The following LRRTM4 variants were observed in gnomAD, a reference collection of about 807,000 sequenced individuals.
LRRTM4 encodes the protein leucine rich repeat transmembrane neuronal 4.
In LRRTM4, 25 loss-of-function variants were observed where a neutral mutation model predicts 47.6. The ratio of observed to expected loss-of-function variants is 0.53; its 90% CI spans 0.38 to 0.73. The LOEUF is 0.73. LRRTM4 is among the 30% of genes least tolerant of loss of function. The pLI is 0.00. For synonymous variants in LRRTM4, 311 were observed against 269.5 expected (o/e 1.15, Z -1.51); for missense variants, 638 against 713.4 (o/e 0.89, Z 1.20).
chr2:76,981,840 A>G (rs1676619210), intron 3 of LRRTM4, among the ~76,000 whole-genome samples: 1 of 151,986 alleles, frequency 6.6e-6, no homozygotes, highest in Non-Finnish European at 1.5e-5. Flanking sequence ...GCTTCTATGT[A>G]GAGCAATGGA....
At chr2:77,343,731 T>C (rs1671459890) in intron 3 of LRRTM4, among the ~76,000 whole-genome samples, 1 of 151,972 alleles carries the variant, frequency 6.6e-6, no homozygotes, top group Non-Finnish European at 1.5e-5. Context: ...GATATGTTTA[T>C]ATTAACAGTG....
chr2:76,993,869 C>T (rs555456700), intron 3 of LRRTM4, among the ~76,000 whole-genome samples: 2 of 151,952 alleles, frequency 1.3e-5, no homozygotes, highest in African/African-American at 4.8e-5. Context: ...GTCCACCATT[C>T]ATGGATTTGA....
At chr2:77,162,691 G>C (rs2103812762) in intron 3 of LRRTM4, among the ~76,000 whole-genome samples, 1 of 152,248 alleles carries the variant, frequency 6.6e-6, no homozygotes. Context: ...GCCTCCACTG[G>C]TGATACCCAG....
In LRRTM4 at chr2:77,333,557, C is replaced by G. The variant is rs372336675; in HGVS notation, c.1551+184761G>C. Among the ~76,000 whole-genome samples, 9 of 152,264 alleles carry G rather than the reference C, an allele frequency of 5.9e-5. 1 individual carries two copies. The South Asian group carries it at 1.9e-3, about 32-fold the overall frequency. ...TGCAAGCCCCAAGCCTTGGCAGCTT[C>G]CATGTGGTTTGAGACTGTGGGTGCA... is the stretch of plus-strand genomic sequence containing the variant. On this transcript the variant is annotated intron_variant, in intron 3 of 3. Coordinates refer to ENST00000409884, the MANE Select transcript of LRRTM4 (RefSeq NM_001134745.3).
At chr2:77,323,872 T>C (rs1439925430) in intron 3 of LRRTM4, among the ~76,000 whole-genome samples, 2 of 152,012 alleles carry the variant, frequency 1.3e-5, no homozygotes, top group Non-Finnish European at 2.9e-5. Context: ...TAACCATAAA[T>C]TGGGGACAAT....
intron 3 of LRRTM4, among the ~76,000 whole-genome samples, chr2:77,479,815 G>A (rs1260407691): frequency 6.7e-6 from 1 of 149,152 alleles, no homozygotes; most frequent in Non-Finnish European, 1.5e-5. Context: ...TTCTCATCTA[G>A]GGCTCATCAG....
In LRRTM4 at chr2:77,171,780, T is replaced by C. The variant is rs568123675; in HGVS notation, c.1551+346538A>G. On this transcript the variant is annotated intron_variant, in intron 3 of 3. Coordinates refer to ENST00000409884, the MANE Select transcript of LRRTM4 (RefSeq NM_001134745.3). The stretch of plus-strand genomic sequence containing the variant: ...GTATTTTTTAAATGGCTTATAAATA[T>C]TTTTATAAAAGAAAAAGTCATGAAA... Among the ~76,000 whole-genome samples the C allele has an allele frequency of 1.6e-3, 236 of 152,232 alleles. 1 individual carries two copies. The highest frequency in any genetic ancestry group is 1.1e-3 in the Non-Finnish European group (72 of 68,014).
At chr2:76,874,147 T>C (rs1672715500) in intron 3 of LRRTM4, among the ~76,000 whole-genome samples, 1 of 151,906 alleles carries the variant, frequency 6.6e-6, no homozygotes, top group East Asian at 1.9e-4. Flanking sequence ...GTTAGAATTT[T>C]CTTCTGGCTG....
chr2:77,437,576 A>T (rs938501667), intron 3 of LRRTM4, among the ~76,000 whole-genome samples: 1 of 152,096 alleles, frequency 6.6e-6, no homozygotes, highest in Non-Finnish European at 1.5e-5. Context: ...AGAACATTTA[A>T]CTCACTAGAT....
At chr2:76,862,218 T>C (rs2104013096) in intron 3 of LRRTM4, among the ~76,000 whole-genome samples, 1 of 152,296 alleles carries the variant, frequency 6.6e-6, no homozygotes, top group Non-Finnish European at 1.5e-5. Context: ...TCATTTGATT[T>C]CTGTGCTTTC....
At chr2:76,862,841 A>G (rs1447216856) in intron 3 of LRRTM4, among the ~76,000 whole-genome samples, 2 of 152,226 alleles carry the variant, frequency 1.3e-5, no homozygotes, top group Non-Finnish European at 2.9e-5. Flanking sequence ...TGTAACTTTA[A>G]TAAATGAAGA....
chr2:77,321,553 G>GGC (rs140524397), intron 3 of LRRTM4, among the ~76,000 whole-genome samples: 2,624 of 71,262 alleles, frequency 0.037, 84 homozygotes, highest in African/African-American at 0.14. Context: ...AAATCGGGGA[G>GGC]GGGGGGGGGT....
At chr2:76,779,890 C>T (rs575442005) in intron 3 of LRRTM4, among the ~76,000 whole-genome samples, 3,402 of 151,676 alleles carry the variant, frequency 0.022, 121 homozygotes, top group African/African-American at 0.071. Context: ...GATTTTGCAG[C>T]GGCTGGTACC....
chr2:77,348,530 T>C (rs1264970539), intron 3 of LRRTM4, among the ~76,000 whole-genome samples: 1 of 150,176 alleles, frequency 6.7e-6, no homozygotes, highest in Non-Finnish European at 1.5e-5. Flanking sequence ...AAAAAATAAT[T>C]GTCAAGTGAA....
At chr2:77,064,363 T>C (rs562729895) in intron 3 of LRRTM4, among the ~76,000 whole-genome samples, 4 of 152,236 alleles carry the variant, frequency 2.6e-5, no homozygotes, top group African/African-American at 9.6e-5. Context: ...ATATATATAG[T>C]AGAGATAAAA....
chr2:77,350,914 G>A (rs541430331), intron 3 of LRRTM4, among the ~76,000 whole-genome samples: 213 of 152,138 alleles, frequency 1.4e-3, no homozygotes, highest in Middle Eastern at 3.4e-3. Flanking sequence ...TTAAACAAAC[G>A]AAACTTTTTT....
chr2:77,272,553 G>C (rs1676228518), intron 3 of LRRTM4, among the ~76,000 whole-genome samples: 1 of 152,090 alleles, frequency 6.6e-6, no homozygotes, highest in Non-Finnish European at 1.5e-5. Flanking sequence ...TAAATATTAA[G>C]TTTTATTTTC....
At chr2:77,312,381 T>C (rs1283685119) in intron 3 of LRRTM4, among the ~76,000 whole-genome samples, 1 of 152,204 alleles carries the variant, frequency 6.6e-6, no homozygotes, top group Non-Finnish European at 1.5e-5. Context: ...GTACCACCCA[T>C]AATTATGTAA....
intron 3 of LRRTM4, among the ~76,000 whole-genome samples, chr2:77,500,561 A>G (rs1678534576): frequency 6.6e-6 from 1 of 151,668 alleles, no homozygotes; most frequent in African/African-American, 2.4e-5. Context: ...ATTTAAAAAT[A>G]AATTTTCTCC....
Sources: gnomAD v4.1 joint callset for allele counts (sites outside exome capture counted in the v4.1 genomes callset) on GRCh38, gnomAD v4.1.1 for gene constraint, MANE v1.5 for transcripts, NCBI Gene and HGNC (gene_info 2026-07-23, HGNC 2026-07-21) for gene names.